Variants in DUSP29 observed in about 807,000 individuals in gnomAD.
DUSP29 encodes the protein dual specificity phosphatase 29.
In DUSP29, 12 loss-of-function variants were observed where a neutral mutation model predicts 13.5. The ratio of observed to expected loss-of-function variants is 0.89; its 90% CI spans 0.57 to 1.44. The LOEUF (loss-of-function observed/expected upper bound fraction) is 1.44, where lower values mean the gene tolerates loss of function less well. DUSP29 is among the 40% of genes most tolerant of loss of function. The pLI, the probability that DUSP29 is intolerant of heterozygous loss-of-function variation, is 0.00. For missense variants in DUSP29, 308 were observed against 301.1 expected, an observed-to-expected ratio of 1.02 and a Z score of -0.17; for synonymous variants, 134 against 128.7, an observed-to-expected ratio of 1.04 and a Z score of -0.28.
chr10:75,057,002 A>G (rs1846975131), intron 2 of DUSP29, among the ~76,000 whole-genome samples: 1 of 152,188 alleles, frequency 6.6e-6, no homozygotes, highest in Admixed American at 6.5e-5. Flanking sequence ...TAGGCCGGGC[A>G]CGGTGGCTCA....
chr10:75,043,981 C>T lies in DUSP29; in HGVS notation c.237G>A (p.Ala79=). 6.2e-7 allele frequency: 1 copy of T among 1,612,688 alleles called. No homozygotes were observed. Residue 79 remains alanine, a synonymous_variant, in exon 3 of 4, where the codon GCG becomes GCA. Transcript: ENST00000338487. Reference sequence around the variant, plus strand: ...CCGCGTTCAGCACGTGCGTGAACCCCGCCTTCTGCAGCCTATAGCGGTCCA... The same window carrying T: ...CCGCGTTCAGCACGTGCGTGAACCCTGCCTTCTGCAGCCTATAGCGGTCCA... ...TALDRYRLQK[A]GFTHVLNAAH...
chr10:75,042,055 C>T (rs1391196242), intron 3 of DUSP29, among the ~76,000 whole-genome samples: 2 of 152,162 alleles, frequency 1.3e-5, no homozygotes, highest in Non-Finnish European at 2.9e-5. Context: ...CACATGCTGG[C>T]GTGGTTATAT....
chr10:75,072,017 G>T (rs993980337), intron 1 of DUSP29, among the ~76,000 whole-genome samples: 1 of 152,220 alleles, frequency 6.6e-6, no homozygotes, highest in Non-Finnish European at 1.5e-5. Flanking sequence ...AGAGTCGGCT[G>T]CTGAGTGGCC....
chr10:75,041,245 C>T (rs1263297480), intron 3 of DUSP29, among the ~76,000 whole-genome samples: 3 of 152,202 alleles, frequency 2.0e-5, no homozygotes, highest in Admixed American at 6.5e-5. Flanking sequence ...GCTGAGCTAG[C>T]GGGCATTTTG....
chr10:75,064,616 C>T (rs1000649532), intron 1 of DUSP29, among the ~76,000 whole-genome samples: 3 of 152,186 alleles, frequency 2.0e-5, no homozygotes, highest in African/African-American at 7.2e-5. Context: ...GCCTCAGCCC[C>T]ACAAAATTCT....
chr10:75,059,962 C>A (rs1847051141), intron 1 of DUSP29, among the ~76,000 whole-genome samples: 1 of 151,958 alleles, frequency 6.6e-6, no homozygotes, highest in Non-Finnish European at 1.5e-5. Context: ...AGTTCAAGAC[C>A]AGACTGCCTA....
intron 2 of DUSP29, among the ~76,000 whole-genome samples, chr10:75,046,518 A>G (rs906596114): frequency 6.6e-6 from 1 of 152,188 alleles, no homozygotes; most frequent in Non-Finnish European, 1.5e-5. Flanking sequence ...CTTGTCTTTC[A>G]TTGGTTTCCT....
At chr10:75,060,219 C>T (rs1847057493) in intron 1 of DUSP29, among the ~76,000 whole-genome samples, 1 of 152,090 alleles carries the variant, frequency 6.6e-6, no homozygotes, top group Non-Finnish European at 1.5e-5. Context: ...CCTGTAATCC[C>T]AGCACTCTGG....
intron 3 of DUSP29, 44 bp from the exon 4 acceptor site, chr10:75,038,121 G>T: frequency 6.3e-7 from 1 of 1,585,968 alleles, no homozygotes; most frequent in Non-Finnish European, 8.6e-7. Context: ...TGAGGGGCAG[G>T]TGTTGGGGGC....
At chr10:75,066,039 C>T (rs1366771816) in intron 1 of DUSP29, among the ~76,000 whole-genome samples, 1 of 152,062 alleles carries the variant, frequency 6.6e-6, no homozygotes. Context: ...TTTGAGGGTC[C>T]CTTTGATGGG....
At chr10:75,049,571 T>C (rs1289021599) in intron 2 of DUSP29, among the ~76,000 whole-genome samples, 2 of 152,240 alleles carry the variant, frequency 1.3e-5, no homozygotes, top group Non-Finnish European at 2.9e-5. Flanking sequence ...CCTTCAGTAG[T>C]TGGAAGTCCT....
intron 2 of DUSP29, among the ~76,000 whole-genome samples, chr10:75,050,791 C>T (rs1047280434): frequency 5.3e-5 from 8 of 152,228 alleles, no homozygotes; most frequent in Non-Finnish European, 4.4e-5. Flanking sequence ...AGACTTCCCC[C>T]GAACCCCAGG....
rs532424530 is a variant in DUSP29 at position 75,040,259 on chromosome 10, G to C, written c.422-2182C>G. ...GCACCAGAGAATCAACCTCCTGCTT[G>C]AAAGCAGGCTTCATTTATTTATTCA... On this transcript the variant is annotated intron_variant, in intron 3 of 3. Transcript: ENST00000338487. Among the ~76,000 whole-genome samples the C allele has an allele frequency of 2.6e-5, 4 of 152,316 alleles. No homozygotes were observed. In the East Asian group the frequency reaches 5.8e-4, roughly 22 times the overall value.
intron 2 of DUSP29, among the ~76,000 whole-genome samples, chr10:75,045,377 AAGAAC>A (rs1458178452): frequency 7.3e-6 from 1 of 137,076 alleles, no homozygotes; most frequent in East Asian, 2.1e-4. Flanking sequence ...CAAAAAACAA[AAGAAC>A]AGGTTAGTGA....
chr10:75,039,229 A>G (rs1846534890), intron 3 of DUSP29, among the ~76,000 whole-genome samples: 1 of 152,192 alleles, frequency 6.6e-6, no homozygotes, highest in Non-Finnish European at 1.5e-5. Context: ...ATGCCTGACC[A>G]CAGTTCATCT....
chr10:75,050,020 C>G (rs1846793196), intron 2 of DUSP29, among the ~76,000 whole-genome samples: 1 of 152,218 alleles, frequency 6.6e-6, no homozygotes, highest in Non-Finnish European at 1.5e-5. Context: ...ATTCCATGAG[C>G]AGCAGAAGTT....
At chr10:75,046,294 C>T (rs1846705800) in intron 2 of DUSP29, among the ~76,000 whole-genome samples, 1 of 152,126 alleles carries the variant, frequency 6.6e-6, no homozygotes, top group African/African-American at 2.4e-5. Context: ...AAGACCAGGA[C>T]TTCAGCTCAG....
intron 2 of DUSP29, among the ~76,000 whole-genome samples, chr10:75,057,508 G>A (rs1376909880): frequency 6.6e-6 from 1 of 152,134 alleles, no homozygotes; most frequent in African/African-American, 2.4e-5. Flanking sequence ...CTGTGCCTCA[G>A]TTTCCCTATC....
At chr10:75,065,047 C>T (rs1409595340) in intron 1 of DUSP29, among the ~76,000 whole-genome samples, 6 of 152,184 alleles carry the variant, frequency 3.9e-5, no homozygotes, top group African/African-American at 7.2e-5. Flanking sequence ...CTGGCACTGT[C>T]ACTGGCCCCA....
Sources: allele counts gnomAD v4.1 joint callset (sites outside exome capture counted in the v4.1 genomes callset), GRCh38; gene constraint gnomAD v4.1.1; transcripts MANE v1.5; gene names NCBI Gene and HGNC (gene_info 2026-07-23, HGNC 2026-07-21).